NXPE1: variants seen among roughly 807,000 people sequenced by gnomAD.
The protein encoded by NXPE1 is neurexophilin and PC-esterase domain family member 1, also known as NXPE family member 1.
In NXPE1, 31 loss-of-function variants were observed where a neutral mutation model predicts 33.3. That is an observed-to-expected ratio of 0.93 (90% CI 0.70 to 1.26). The LOEUF is 1.26. NXPE1 is among the 50% of genes most tolerant of loss of function. NXPE1 has a pLI of 0.00. For synonymous variants in NXPE1, 229 were observed against 231.4 expected (o/e 0.99, Z 0.09); for missense variants, 661 against 655.6 (o/e 1.01, Z -0.09).
At chr11:114,553,856 A>G (rs10431075) in intron 1 of NXPE1, 313,386 of 951,220 alleles carry the variant, frequency 0.33, 52,523 homozygotes, top group East Asian at 0.67. Flanking sequence ...TCATCTTGGT[A>G]GCTTGAAATA....
downstream of NXPE1, among the ~76,000 whole-genome samples, chr11:114,521,028 C>G (rs191473973): frequency 3.6e-4 from 55 of 152,300 alleles, no homozygotes; most frequent in Non-Finnish European, 6.2e-4. Flanking sequence ...CTGATGATCT[C>G]TGCCTTATTT....
chr11:114,534,234 A>C (rs1430688527), intron 5 of NXPE1, among the ~76,000 whole-genome samples: 1 of 152,230 alleles, frequency 6.6e-6, no homozygotes, highest in Non-Finnish European at 1.5e-5. Context: ...TCTGACTGTT[A>C]GAAGGAAAAC....
At chr11:114,541,899 A>G (rs1948110948) in intron 5 of NXPE1, among the ~76,000 whole-genome samples, 1 of 151,878 alleles carries the variant, frequency 6.6e-6, no homozygotes, top group Non-Finnish European at 1.5e-5. Flanking sequence ...CTCAATGTTT[A>G]TCTGTTAGAT....
chr11:114,557,282 A>G (rs1271053427), intron 1 of NXPE1, among the ~76,000 whole-genome samples: 1 of 152,092 alleles, frequency 6.6e-6, no homozygotes, highest in East Asian at 1.9e-4. Flanking sequence ...CTACTTTAAT[A>G]ATTTCTACTC....
intron 5 of NXPE1, among the ~76,000 whole-genome samples, chr11:114,535,499 A>T (rs968876501): frequency 6.6e-6 from 1 of 152,222 alleles, no homozygotes; most frequent in Non-Finnish European, 1.5e-5. Context: ...AATTGGATAA[A>T]GAGTCAAGAC....
In NXPE1 at chr11:114,527,921, C is replaced by CA. The variant is rs776729390; in HGVS notation, c.834-21dup. 3.8e-6 allele frequency: 6 copies of CA among 1,573,496 alleles called. No individual in the cohort carries two copies. The highest frequency in any genetic ancestry group is 5.2e-6 in the Non-Finnish European group (6 of 1,150,148). The stretch of plus-strand genomic sequence containing the variant: ...TTGGACCTTCAAAAAAAAAATAGAA[C>CA]AATAAATTAGCCTGCTCTCTGCCCA... On this transcript the variant is annotated intron_variant, in intron 6 of 8. Coordinates refer to ENST00000534921, the Ensembl canonical transcript of NXPE1.
At chr11:114,549,101 TA>T (rs33931209) in intron 5 of NXPE1, among the ~76,000 whole-genome samples, 5 of 151,614 alleles carry the variant, frequency 3.3e-5, no homozygotes, top group Non-Finnish European at 5.9e-5. Flanking sequence ...TGAGTGACAT[TA>T]AAAAAATAGA....
At chr11:114,524,218 A>G (rs1226005713) in intron 7 of NXPE1, among the ~76,000 whole-genome samples, 1 of 152,156 alleles carries the variant, frequency 6.6e-6, no homozygotes, top group African/African-American at 2.4e-5. Context: ...TCTGGAAAAA[A>G]CTTAGTCATG....
At chr11:114,531,161 T>C (rs1016627102) in intron 5 of NXPE1, among the ~76,000 whole-genome samples, 1 of 152,162 alleles carries the variant, frequency 6.6e-6, no homozygotes, top group Admixed American at 6.5e-5. Flanking sequence ...TAATTTTGTA[T>C]AAAATGTAAA....
exon 8 of NXPE1, chr11:114,523,041 G>T (rs781614218): frequency 6.2e-7 from 1 of 1,613,650 alleles, no homozygotes; most frequent in Non-Finnish European, 8.5e-7. Flanking sequence ...TAACCACCAG[G>T]GACAGGAGGC....
Position 114,522,273 on chromosome 11 carries a change from T to A in NXPE1, c.1339A>T (p.Ile447Phe), listed in dbSNP as rs763324761. The A allele has an allele frequency of 1.9e-6, 3 of 1,614,050 alleles. No homozygotes were observed. The Admixed American group carries it at 5.0e-5, about 27-fold the overall frequency. Residue 447 changes from isoleucine (I) to phenylalanine (F), a missense_variant, in exon 9 of 9, where the codon ATT becomes TTT. Ile to Phe is a conservative substitution (Grantham distance 21). Transcript: ENST00000534921. ...ATGGCCCTGCGAATAAAAATGTCAA[T>A]GGGAAATGGTCTAAAGTGCTGGCCA...
rs902341163 is a variant in NXPE1, at chr11:114,528,010, G to A, written c.834-109C>T. On this transcript the variant is annotated intron_variant, in intron 6 of 8. Coordinates refer to ENST00000534921, the Ensembl canonical transcript of NXPE1. ...AATTTTTAGTTTTCTATAACTGGAA[G>A]CTGTTATTATTGTTGTAAATTTTAG... 5.8e-6 allele frequency: 4 copies of A among 693,890 alleles called. No homozygotes were observed. The African/African-American group carries it at 7.2e-5, about 13-fold the overall frequency. The allele number at this position is 693,890 out of a possible 1,614,324, so 43.0% of individuals were successfully genotyped here. A position where few individuals can be genotyped will look rare whatever the true frequency, so the allele number is the denominator to read the frequency against.
At chr11:114,528,774 G>A (rs1947461501) in intron 6 of NXPE1, 1 of 654,466 alleles carries the variant, frequency 1.5e-6, no homozygotes, top group East Asian at 2.7e-5. Flanking sequence ...CAGGTGCCAA[G>A]TATAACAGAT....
downstream of NXPE1, among the ~76,000 whole-genome samples, chr11:114,520,654 T>C (rs1947192047): frequency 6.6e-6 from 1 of 152,224 alleles, no homozygotes; most frequent in Non-Finnish European, 1.5e-5. Flanking sequence ...GGTCATATGG[T>C]AGTTCTGTTT....
chr11:114,523,834 G>T (rs554790192), intron 7 of NXPE1, among the ~76,000 whole-genome samples: 1 of 152,282 alleles, frequency 6.6e-6, no homozygotes, highest in South Asian at 2.1e-4. Context: ...CCAATGCCTT[G>T]TATTTTAGGA....
chr11:114,521,944 G>C, exon 9 of NXPE1: 2 of 1,534,668 alleles, frequency 1.3e-6, no homozygotes, highest in South Asian at 2.4e-5. Flanking sequence ...TTGGTTCCTA[G>C]TGATTTTGTA....
chr11:114,530,733 A>C (rs1449796629), exon 6 of NXPE1: 15 of 1,614,056 alleles, frequency 9.3e-6, no homozygotes, highest in African/African-American at 5.3e-5. Context: ...GGTGGTGTTC[A>C]CATGGGTGAA....
downstream of NXPE1, among the ~76,000 whole-genome samples, chr11:114,519,299 T>C (rs1265703955): frequency 6.6e-6 from 1 of 152,220 alleles, no homozygotes; most frequent in Non-Finnish European, 1.5e-5. Context: ...CACTATCATA[T>C]GCTGTTCTCT....
At chr11:114,557,020 G>A (rs1470279340) in intron 1 of NXPE1, among the ~76,000 whole-genome samples, 1 of 151,772 alleles carries the variant, frequency 6.6e-6, no homozygotes, top group Non-Finnish European at 1.5e-5. Context: ...AGCCTCCTGA[G>A]TAGCTGGGAT....
Sources: allele counts gnomAD v4.1 joint callset (sites outside exome capture counted in the v4.1 genomes callset), GRCh38; gene constraint gnomAD v4.1.1; transcripts MANE v1.5; gene names NCBI Gene and HGNC (gene_info 2026-07-23, HGNC 2026-07-21).